The following CEP72 variants were observed in gnomAD, a reference collection of about 807,000 sequenced individuals.
CEP72 encodes the protein centrosomal protein of 72 kDa.
In CEP72, 78 loss-of-function variants were observed where a neutral mutation model predicts 65.7. The observed-to-expected ratio is 1.19, with a 90% CI of 0.99 to 1.43. The LOEUF is 1.43. Among genes scored for constraint, CEP72 ranks in the 40% most tolerant of loss-of-function variants. The pLI is 0.00. For missense variants in CEP72, 914 were observed against 832.9 expected (o/e 1.10, Z -1.20); for synonymous variants, 358 against 351.7 (o/e 1.02, Z -0.20).
rs1407671244 is a variant in CEP72 at position 633,859 on chromosome 5, T to G, written c.603T>G (p.Ile201Met). 3 of 1,613,800 alleles carry G rather than the reference T, an allele frequency of 1.9e-6. No individual in the cohort carries two copies. The highest frequency in any genetic ancestry group is 2.5e-6 in the Non-Finnish European group (3 of 1,180,050). ...ATGACGAGGCAGTCCTGAACCTCAT[T>G]GCAGAGTGCGAGTGGGACCTCGGCA... Reference protein sequence around the residue: ...DADDEAVLNLIAECEWDLGRP... With the variant: ...DADDEAVLNLMAECEWDLGRP... Residue 201 changes from isoleucine to methionine, a missense_variant, in exon 5 of 12, where the codon ATT becomes ATG. Coordinates refer to ENST00000264935, the MANE Select transcript of CEP72 (RefSeq NM_018140.4).
rs779527165 is a variant in CEP72 at position 620,190 on chromosome 5, A to G, written c.332A>G (p.Asn111Ser). The G allele has an allele frequency of 1.9e-6, 3 of 1,613,832 alleles. No individual in the cohort carries two copies. The Admixed American group carries it at 5.0e-5, about 27-fold the overall frequency. Residue 111 changes from asparagine (N) to serine (S), a missense_variant, in exon 3 of 12, where the codon AAC becomes AGC. Transcript: ENST00000264935. ...TELVDVDFRLNPVVKVEPDYR... is the reference protein window; with the variant it reads ...TELVDVDFRLSPVVKVEPDYR... ...CTCGTGGATGTGGACTTCCGGCTGA[A>G]CCCCGTGGTGAAGGTTGAGCCTGAC...
In CEP72 at chr5:653,129, C is replaced by T; in HGVS notation, c.1920C>T (p.Ser640=). 1.2e-6 allele frequency: 2 copies of T among 1,609,908 alleles called. No individual in the cohort carries two copies. The highest frequency in any genetic ancestry group is 8.5e-7 in the Non-Finnish European group (1 of 1,179,032). ...TMALFPHSSA[S]HGGCQAC ...CCCTGTTTCCACACAGCAGCGCCAG[C>T]CATGGAGGCTGCCAGGCCTGCTGAC... is the stretch of plus-strand genomic sequence containing the variant. Residue 640 remains serine, a synonymous_variant, in exon 12 of 12, where the codon AGC becomes AGT. Transcript: ENST00000264935.
intron 5 of CEP72, among the ~76,000 whole-genome samples, chr5:634,452 CTT>C (rs753321585): frequency 1.3e-5 from 2 of 152,200 alleles, no homozygotes; most frequent in African/African-American, 2.4e-5. Flanking sequence ...TTTCTGAGAA[CTT>C]TTCGTGGAAA....
downstream of CEP72, among the ~76,000 whole-genome samples, chr5:667,583 A>G (rs1208236127): frequency 6.6e-6 from 1 of 151,782 alleles, no homozygotes; most frequent in Non-Finnish European, 1.5e-5. Flanking sequence ...AAAACGTTCG[A>G]AACTCTGCTC....
downstream of CEP72, among the ~76,000 whole-genome samples, chr5:671,996 G>A (rs145774599): frequency 0.012 from 1,824 of 152,308 alleles, 18 homozygotes; most frequent in Middle Eastern, 0.024. Context: ...GGACAGACAG[G>A]AGGACGTCAC....
chr5:637,378 G>T, intron 6 of CEP72, 139 bp from the exon 7 acceptor site: 1 of 706,092 alleles, frequency 1.4e-6, no homozygotes. Context: ...GGATAGGTGT[G>T]CGTGTACATA....
chr5:631,449 G>A, intron 4 of CEP72, among the ~76,000 whole-genome samples: 1 of 47,836 alleles, frequency 2.1e-5, no homozygotes, highest in Admixed American at 2.0e-4. Flanking sequence ...GCCGGGATTT[G>A]GACCAGTCCT....
chr5:635,330 T>G, intron 5 of CEP72, 42 bp from the exon 6 acceptor site: 1 of 1,409,476 alleles, frequency 7.1e-7, no homozygotes. Context: ...ATAAAACTTT[T>G]ACAATGTTTT....
chr5:624,656 C>A lies in CEP72; in HGVS notation c.512+77C>A. 9.6e-7 allele frequency: 1 copy of A among 1,044,940 alleles called. No individual in the cohort carries two copies. The highest frequency in any genetic ancestry group is 1.3e-5 in the South Asian group (1 of 77,296). 64.7% of individuals were successfully genotyped at this position (1,044,940 alleles called of 1,614,324 possible). On this transcript the variant is annotated intron_variant, in intron 4 of 11. Coordinates refer to ENST00000264935, the MANE Select transcript of CEP72 (RefSeq NM_018140.4). This position sits in a 1 kb window ranked among gnomAD's most constrained non-coding sequence, Gnocchi z 4.7. The stretch of plus-strand genomic sequence containing the variant: ...TCAGGAGGATTAACCGAACGTCATT[C>A]ACTGTGTGCCGGTCACTCTCCAGGG...
intron 11 of CEP72, 58 bp downstream of exon 11, chr5:647,974 G>T: frequency 8.2e-7 from 1 of 1,216,868 alleles, no homozygotes; most frequent in Non-Finnish European, 1.2e-6. Context: ...GGTACAGGGA[G>T]GGTTGGGCCG....
rs1197507925 is a variant in CEP72 at position 639,189 on chromosome 5, G to A, written c.1307G>A (p.Gly436Asp). 6.2e-7 allele frequency: 1 copy of A among 1,605,802 alleles called. No homozygotes were observed. The highest frequency in any genetic ancestry group is 8.5e-7 in the Non-Finnish European group (1 of 1,174,762). Residue 436 changes from glycine to aspartate, a missense_variant, in exon 8 of 12, where the codon GGC (glycine) becomes GAC (aspartate). By Grantham distance (94) the Gly-to-Asp change is moderately conservative (BLOSUM62 -1). Transcript: ENST00000264935. ...LLDLVDRSWGGCRSLHSNEAF... is the reference protein window; with the variant it reads ...LLDLVDRSWGDCRSLHSNEAF... The stretch of plus-strand genomic sequence containing the variant: ...GACCTGGTGGACAGGAGCTGGGGCG[G>A]CTGCAGGTCCCTGCACAGCAACGAG...
At chr5:656,099 G>A (rs562378546), downstream of CEP72, among the ~76,000 whole-genome samples, 6 of 152,174 alleles carry the variant, frequency 3.9e-5, no homozygotes, top group Non-Finnish European at 7.4e-5. Context: ...CGCCTGTTGT[G>A]AAGCTTAAGG....
intron 4 of CEP72, among the ~76,000 whole-genome samples, chr5:628,779 C>T (rs1170559350): frequency 1.4e-5 from 2 of 141,872 alleles, no homozygotes; most frequent in Non-Finnish European, 3.2e-5. Flanking sequence ...TCCCACGACC[C>T]AGCCCCCTTC....
chr5:652,770 A>G (rs1343107359), intron 11 of CEP72, among the ~76,000 whole-genome samples: 1 of 152,194 alleles, frequency 6.6e-6, no homozygotes, highest in African/African-American at 2.4e-5. Context: ...CGCACCTCCA[A>G]GGCTGCTCCC....
chr5:649,517 T>C (rs1359633603), intron 11 of CEP72, among the ~76,000 whole-genome samples: 1 of 61,126 alleles, frequency 1.6e-5, no homozygotes, highest in Non-Finnish European at 3.3e-5. Flanking sequence ...CTGTGAGGTG[T>C]GACTGTGAGG....
At chr5:638,476 G>A (rs1370039428) in intron 7 of CEP72, among the ~76,000 whole-genome samples, 4 of 152,008 alleles carry the variant, frequency 2.6e-5, no homozygotes, top group Non-Finnish European at 5.9e-5. Flanking sequence ...AGACTCCCAT[G>A]CAGGCAGAGG....
chr5:638,682 G>A (rs987568491), intron 7 of CEP72, among the ~76,000 whole-genome samples: 2 of 152,162 alleles, frequency 1.3e-5, no homozygotes, highest in African/African-American at 2.4e-5. Context: ...TTGACTCCGG[G>A]CCATTGCTGG....
chr5:666,768 A>G (rs1043732278), intron 4 of CEP72: 1 of 152,214 alleles, frequency 6.6e-6, no homozygotes, highest in Non-Finnish European at 1.5e-5. Context: ...ACATCCTCCC[A>G]CCACAGGCCA....
chr5:673,175 G>A, the CEP72 span, among the ~76,000 whole-genome samples: 4 of 152,264 alleles, frequency 2.6e-5, no homozygotes, highest in South Asian at 4.1e-4. Context: ...CCACAGGCCC[G>A]CCGCCACCAC....
Sources: allele counts gnomAD v4.1 joint callset (sites outside exome capture counted in the v4.1 genomes callset), GRCh38; gene constraint gnomAD v4.1.1; non-coding constraint Gnocchi (gnomAD v3.1); transcripts MANE v1.5; gene names NCBI Gene and HGNC (gene_info 2026-07-23, HGNC 2026-07-21).